Variants in TECPR2 observed in about 807,000 individuals in gnomAD.
TECPR2 encodes tectonin beta-propeller repeat-containing protein 2.
Under a neutral mutation model 138.1 loss-of-function variants are expected in TECPR2, and 65 were observed. That is an observed-to-expected ratio of 0.47 (90% CI 0.39 to 0.58). The LOEUF (loss-of-function observed/expected upper bound fraction) is 0.58, where lower values mean the gene tolerates loss of function less well. Ranked by LOEUF, TECPR2 falls within the 20% of genes least tolerant of loss-of-function variation. The probability of loss-of-function intolerance (pLI) is 0.00; values close to 1 mark genes in which losing one functional copy is unlikely to be tolerated. For missense variants in TECPR2, 1,553 were observed against 1,824.5 expected (o/e 0.85, Z 2.71); for synonymous variants, 746 against 749.8 (o/e 0.99, Z 0.08).
At chr14:102,462,378 G>A (rs1016943778) in intron 16 of TECPR2, among the ~76,000 whole-genome samples, 6 of 152,164 alleles carry the variant, frequency 3.9e-5, no homozygotes, top group Non-Finnish European at 8.8e-5. Context: ...AAAACATTCT[G>A]TACAAGATCA....
At chr14:102,495,865 CG>C (rs1891266351) in intron 17 of TECPR2, among the ~76,000 whole-genome samples, 1 of 152,206 alleles carries the variant, frequency 6.6e-6, no homozygotes, top group Non-Finnish European at 1.5e-5. Context: ...GGTGAGGATG[CG>C]GGCAGCCTGG....
chr14:102,491,375 CCA>C (rs1361059391), intron 17 of TECPR2, among the ~76,000 whole-genome samples: 12 of 152,160 alleles, frequency 7.9e-5, no homozygotes, highest in African/African-American at 2.9e-4. Context: ...GCCACCATGC[CCA>C]GATAATTTTT....
intron 17 of TECPR2, among the ~76,000 whole-genome samples, chr14:102,485,542 C>A (rs1201171222): frequency 6.6e-6 from 1 of 152,126 alleles, no homozygotes; most frequent in East Asian, 1.9e-4. Context: ...TAGAAGTAGA[C>A]CACAGGGTTC....
chr14:102,472,638 G>A (rs1376397135), intron 17 of TECPR2, among the ~76,000 whole-genome samples: 1 of 152,236 alleles, frequency 6.6e-6, no homozygotes, highest in East Asian at 1.9e-4. Context: ...CTGTGGGAAA[G>A]AAATCAGGCT....
At chr14:102,369,474 G>A (rs531141923) in intron 1 of TECPR2, among the ~76,000 whole-genome samples, 30 of 152,082 alleles carry the variant, frequency 2.0e-4, no homozygotes, top group African/African-American at 7.0e-4. Context: ...CTGCAGCCTC[G>A]AACTCCCGGG....
intron 2 of TECPR2, among the ~76,000 whole-genome samples, chr14:102,388,939 C>T (rs147496648): frequency 0.28 from 37,730 of 133,116 alleles, 5,672 homozygotes; most frequent in East Asian, 0.47. Flanking sequence ...CCAGCCTGGG[C>T]GACAGAGCAA....
rs1450143292 is a variant in TECPR2, at chr14:102,428,328, G to C, written c.1030G>C (p.Gly344Arg). The change falls in exon 7 of 20, where the codon GGA becomes CGA. Residue 344 changes from glycine to arginine, a missense_variant. Physicochemically the swap from Gly to Arg is moderately radical, Grantham distance 125 (BLOSUM62 -2). Transcript: ENST00000359520. ...AGAAAATGAAATATTTTTCTTGAAAGGAGATAGGAACATTATAAGAATTTC... is the reference window on the plus strand; with the variant it reads ...AGAAAATGAAATATTTTTCTTGAAACGAGATAGGAACATTATAAGAATTTC... ...CTENEIFFLK[G>R]DRNIIRISSR... is the part of the protein sequence containing the mutation. The C allele has an allele frequency of 3.1e-6, 5 of 1,606,422 alleles. No individual in the cohort carries two copies. The highest frequency in any genetic ancestry group is 4.3e-6 in the Non-Finnish European group (5 of 1,176,126).
intron 14 of TECPR2, 81 bp from the exon 15 acceptor site, chr14:102,450,479 C>A: frequency 1.5e-6 from 2 of 1,377,942 alleles, no homozygotes; most frequent in African/African-American, 1.4e-5. Context: ...TGAAGGCCAG[C>A]TGTCGTCCAG....
At position 102,363,094 on chromosome 14, in the gene TECPR2, G is replaced by C. The variant is rs544136441; in HGVS notation, c.-95G>C. Reference sequence around the variant, plus strand: ...TCCTCCGGCCCGGCGGGGCCGACGAGTCCGGAGGGGCTGCCGCGGGAGGTG... The same window carrying C: ...TCCTCCGGCCCGGCGGGGCCGACGACTCCGGAGGGGCTGCCGCGGGAGGTG... On this transcript the variant is annotated 5_prime_UTR_variant, in exon 1 of 20. Transcript: ENST00000359520. 8 of 436,318 alleles carry C rather than the reference G, an allele frequency of 1.8e-5. No homozygotes were observed. The South Asian group carries it at 2.6e-4, about 14-fold the overall frequency. The allele number at this position is 436,318 out of a possible 1,614,324, so 27.0% of individuals were successfully genotyped here.
rs1388671028 is a variant in TECPR2 at position 102,420,546 on chromosome 14, C to T, written c.639-4433C>T. On this transcript the variant is annotated intron_variant, in intron 5 of 19. Coordinates refer to ENST00000359520, the MANE Select transcript of TECPR2 (RefSeq NM_014844.5). The surrounding 1 kb of genome is among the most constrained non-coding windows in gnomAD (Gnocchi z 4.1). ...GGGGTGCAGTGGTGTGATCACAGCT[C>T]ACTGCAGCCTTGAACAGCTGGGTTC... Among the ~76,000 whole-genome samples the T allele has an allele frequency of 6.6e-6, 1 of 152,128 alleles. No individual in the cohort carries two copies. Among genetic ancestry groups the T allele is most frequent in the Non-Finnish European group, 1.5e-5 (1 of 68,040 alleles).
chr14:102,450,063 C>G (rs892569574), intron 14 of TECPR2, among the ~76,000 whole-genome samples, 194 bp downstream of exon 14: 2 of 152,292 alleles, frequency 1.3e-5, no homozygotes, highest in African/African-American at 2.4e-5. Flanking sequence ...TCCTAAAACT[C>G]GTATCCCTGT....
At chr14:102,384,021 G>A (rs1436845313) in intron 2 of TECPR2, among the ~76,000 whole-genome samples, 2 of 150,704 alleles carry the variant, frequency 1.3e-5, no homozygotes, top group African/African-American at 4.9e-5. Context: ...CCCGATTCAA[G>A]CGATTCTTCT....
intron 13 of TECPR2, 111 bp from the exon 14 acceptor site, chr14:102,449,518 G>C (rs1322270566): frequency 6.7e-7 from 1 of 1,494,392 alleles, no homozygotes; most frequent in Non-Finnish European, 9.0e-7. Context: ...TGGTCATCTT[G>C]TTACTAGAAA....
At chr14:102,401,799 C>G (rs572119194) in intron 2 of TECPR2, among the ~76,000 whole-genome samples, 1,848 of 85,144 alleles carry the variant, frequency 0.022, 22 homozygotes, top group Middle Eastern at 0.058. Context: ...AGCGAGACTC[C>G]GTCTCAAAAA....
chr14:102,381,473 C>T (rs574146617), intron 2 of TECPR2, among the ~76,000 whole-genome samples: 6 of 152,170 alleles, frequency 3.9e-5, no homozygotes, highest in African/African-American at 1.4e-4. Flanking sequence ...ACTGAGAAAG[C>T]TGAGGCATGA....
intron 1 of TECPR2, among the ~76,000 whole-genome samples, chr14:102,366,498 C>A (rs1459349911): frequency 6.6e-6 from 1 of 152,118 alleles, no homozygotes; most frequent in Non-Finnish European, 1.5e-5. Context: ...AGGTGTGCGC[C>A]ACCACACCTG....
intron 17 of TECPR2, among the ~76,000 whole-genome samples, chr14:102,480,770 T>C (rs1258179531): frequency 6.7e-6 from 1 of 150,212 alleles, no homozygotes; most frequent in African/African-American, 2.4e-5. Flanking sequence ...CTCCCACCCC[T>C]CAGCCTCCCA....
chr14:102,484,834 T>C (rs1442387635), intron 17 of TECPR2, among the ~76,000 whole-genome samples: 1 of 152,102 alleles, frequency 6.6e-6, no homozygotes, highest in African/African-American at 2.4e-5. Flanking sequence ...ATTTTTGTAT[T>C]TTTGGTAGAG....
intron 8 of TECPR2, 29 bp downstream of exon 8, chr14:102,432,157 C>T (rs1420897224): frequency 6.7e-7 from 1 of 1,483,172 alleles, no homozygotes; most frequent in Non-Finnish European, 9.0e-7. Flanking sequence ...ACACACCCAT[C>T]TGGGGTTACA....
Sources: gnomAD v4.1 joint callset for allele counts (sites outside exome capture counted in the v4.1 genomes callset) on GRCh38, gnomAD v4.1.1 for gene constraint, Gnocchi (gnomAD v3.1) non-coding constraint, MANE v1.5 for transcripts, NCBI Gene and HGNC (gene_info 2026-07-23, HGNC 2026-07-21) for gene names.